The following AKT3 variants were observed in gnomAD, a reference collection of about 807,000 sequenced individuals.
AKT3 encodes AKT serine/threonine kinase 3, also known as RAC-gamma serine/threonine-protein kinase.
A neutral mutation model predicts 65.3 loss-of-function variants in AKT3; 15 were observed. That is an observed-to-expected ratio of 0.23 (90% CI 0.15 to 0.35). AKT3 has a LOEUF of 0.35. AKT3 is among the 10% of genes least tolerant of loss of function. The pLI, the probability that AKT3 is intolerant of heterozygous loss-of-function variation, is 1.00. For missense variants in AKT3, 243 were observed against 576.5 expected (o/e 0.42, Z 5.92); for synonymous variants, 206 against 183.8 (o/e 1.12, Z -0.98).
Position 243,850,070 on chromosome 1 carries a change from C to T in AKT3, c.-143G>A. 1.1e-6 allele frequency: 1 copy of T among 941,740 alleles called. No individual in the cohort carries two copies. The highest frequency in any genetic ancestry group is 1.3e-6 in the Non-Finnish European group (1 of 797,944). 58.3% of individuals were successfully genotyped at this position (941,740 alleles called of 1,614,324 possible). On this transcript the variant is annotated 5_prime_UTR_variant, in exon 1 of 14. Coordinates refer to ENST00000673466, the MANE Select transcript of AKT3 (RefSeq NM_005465.7). The stretch of plus-strand genomic sequence containing the variant: ...ACGGCGGCGGCGGCGGTGGCGGCCC[C>T]GCAGCTGCTCGGGCGGCGGCGGAGG...
At chr1:243,570,909 C>G (rs1166301896) in intron 9 of AKT3, among the ~76,000 whole-genome samples, 3 of 152,184 alleles carry the variant, frequency 2.0e-5, no homozygotes, top group Admixed American at 6.5e-5. Context: ...CACGTGGTAA[C>G]TAATTGACTG....
At chr1:243,765,538 G>C (rs565546448) in intron 2 of AKT3, among the ~76,000 whole-genome samples, 5 of 152,194 alleles carry the variant, frequency 3.3e-5, no homozygotes, top group Non-Finnish European at 2.9e-5. Context: ...TTACATTCTA[G>C]CGGGATTGAA....
chr1:243,559,708 T>C (rs1247635201), intron 10 of AKT3, among the ~76,000 whole-genome samples: 3 of 152,074 alleles, frequency 2.0e-5, no homozygotes, highest in Non-Finnish European at 2.9e-5. Flanking sequence ...GAAGTATAGG[T>C]TGCAGCAAGA....
At chr1:243,681,700 T>C (rs889546562) in intron 3 of AKT3, among the ~76,000 whole-genome samples, 13 of 152,170 alleles carry the variant, frequency 8.5e-5, no homozygotes, top group African/African-American at 2.9e-4. Flanking sequence ...CTGAACACCA[T>C]ATATGATTAA....
At chr1:243,509,855 T>C (rs1168201755) in intron 13 of AKT3, among the ~76,000 whole-genome samples, 2 of 152,050 alleles carry the variant, frequency 1.3e-5, no homozygotes, top group Non-Finnish European at 1.5e-5. Flanking sequence ...CCCTGCTCCC[T>C]GCTTTTCCAG....
intron 3 of AKT3, among the ~76,000 whole-genome samples, chr1:243,669,291 T>C (rs182539555): frequency 6.6e-6 from 1 of 152,320 alleles, no homozygotes; most frequent in African/African-American, 2.4e-5. Flanking sequence ...ATACCCTGAT[T>C]GGGCAACTGA....
intron 13 of AKT3, among the ~76,000 whole-genome samples, chr1:243,507,858 G>A (rs985974643): frequency 1.2e-4 from 18 of 152,284 alleles, no homozygotes; most frequent in Admixed American, 9.2e-4. Flanking sequence ...CATCAATGGC[G>A]ATAACGAAAG....
chr1:243,658,302 T>C (rs946551346), intron 4 of AKT3, among the ~76,000 whole-genome samples: 4 of 152,158 alleles, frequency 2.6e-5, no homozygotes, highest in East Asian at 1.9e-4. Context: ...AAGACTTGAA[T>C]AGACATTTCT....
intron 2 of AKT3, among the ~76,000 whole-genome samples, chr1:243,734,161 CAGTA>C (rs1337879309): frequency 1.3e-5 from 2 of 152,108 alleles, no homozygotes; most frequent in Admixed American, 6.6e-5. Context: ...CTGGCACTTC[CAGTA>C]AGTAATATTT....
At chr1:243,489,069 C>T (rs1665729246) in intron 13 of AKT3, 5 of 1,613,304 alleles carry the variant, frequency 3.1e-6, no homozygotes, top group African/African-American at 1.3e-5. Context: ...GGTGCAGCTC[C>T]TCAGCAAGCA....
intron 10 of AKT3, among the ~76,000 whole-genome samples, chr1:243,553,732 A>G (rs1370817358): frequency 6.6e-6 from 1 of 152,208 alleles, no homozygotes; most frequent in African/African-American, 2.4e-5. Context: ...CCGTTTGCCT[A>G]TGCTGGAGCA....
At chr1:243,494,714 C>T (rs986332504) in intron 13 of AKT3, among the ~76,000 whole-genome samples, 3 of 152,182 alleles carry the variant, frequency 2.0e-5, no homozygotes, top group Non-Finnish European at 2.9e-5. Context: ...TTTTATATTC[C>T]TTCAGATACA....
Position 243,791,470 on chromosome 1 carries a change from ACT to A in AKT3, c.46+51653_46+51654del, listed in dbSNP as rs1312524305. 3.9e-5 allele frequency among the ~76,000 whole-genome samples: 6 copies of A among 152,210 alleles called. No individual in the cohort carries two copies. In the East Asian group the frequency reaches 9.6e-4, roughly 24 times the overall value. On this transcript the variant is annotated intron_variant, in intron 2 of 13. Transcript: ENST00000673466. ...CAAAAACGCAATACGCCTAAAAACA[ACT>A]CTGATTCATTATACCTTTAAACAAC...
intron 8 of AKT3, chr1:243,612,615 G>A (rs1022938866): frequency 6.4e-6 from 1 of 155,412 alleles, no homozygotes; most frequent in African/African-American, 2.4e-5. Flanking sequence ...AGCTTTTCCA[G>A]TAAATTTACT....
At chr1:243,548,355 C>T (rs1672819950) in intron 11 of AKT3, 1 of 152,110 alleles carries the variant, frequency 6.6e-6, no homozygotes, top group African/African-American at 2.4e-5. Context: ...TTTTGTAACT[C>T]CTCAAGTTTT....
chr1:243,780,680 T>C (rs1440108831), intron 2 of AKT3, among the ~76,000 whole-genome samples: 1 of 151,714 alleles, frequency 6.6e-6, no homozygotes, highest in Non-Finnish European at 1.5e-5. Flanking sequence ...AATACAACTA[T>C]GGAAAAATGT....
chr1:243,638,238 G>C (rs910916719), intron 5 of AKT3, among the ~76,000 whole-genome samples: 13 of 152,258 alleles, frequency 8.5e-5, no homozygotes, highest in Non-Finnish European at 1.6e-4. Context: ...GAAATGTCGA[G>C]AACCTCGTAT....
chr1:243,524,000 C>A (rs1450593726), intron 12 of AKT3, among the ~76,000 whole-genome samples: 4 of 152,156 alleles, frequency 2.6e-5, no homozygotes, highest in African/African-American at 9.7e-5. Context: ...ACATACAAGC[C>A]TAGATGGTGT....
At chr1:243,509,749 A>C (rs971018807) in intron 13 of AKT3, among the ~76,000 whole-genome samples, 1 of 152,034 alleles carries the variant, frequency 6.6e-6, no homozygotes, top group Non-Finnish European at 1.5e-5. Flanking sequence ...AATTGAAAAT[A>C]GGGTGATTCA....
Sources: allele counts gnomAD v4.1 joint callset (sites outside exome capture counted in the v4.1 genomes callset), GRCh38; gene constraint gnomAD v4.1.1; transcripts MANE v1.5; gene names NCBI Gene and HGNC (gene_info 2026-07-23, HGNC 2026-07-21).